The following ANKRD30BL variants were observed in gnomAD, a reference collection of about 807,000 sequenced individuals.
ANKRD30BL encodes ankyrin repeat domain 30B like.
In ANKRD30BL, 20 loss-of-function variants were observed where a neutral mutation model predicts 18.4. That is an observed-to-expected ratio of 1.09 (90% CI 0.77 to 1.58). The LOEUF is 1.58. Among genes scored for constraint, ANKRD30BL ranks in the 40% most tolerant of loss-of-function variants. The pLI is 0.00. For synonymous variants in ANKRD30BL, 72 were observed against 100.9 expected, an observed-to-expected ratio of 0.71 and a Z score of 1.72; for missense variants, 224 against 268.6, an observed-to-expected ratio of 0.83 and a Z score of 1.16.
intron 1 of ANKRD30BL, among the ~76,000 whole-genome samples, chr2:132,206,479 G>A (rs1158776844): frequency 6.6e-6 from 1 of 152,102 alleles, no homozygotes; most frequent in Non-Finnish European, 1.5e-5. Flanking sequence ...AGTGACTGTA[G>A]ACAAATTACT....
chr2:132,221,546 G>T, intron 1 of ANKRD30BL, among the ~76,000 whole-genome samples: 1 of 135,186 alleles, frequency 7.4e-6, no homozygotes, highest in Non-Finnish European at 1.6e-5. Context: ...GAGGGAGGTG[G>T]GGGGGTCAGC....
chr2:132,237,172 G>A (rs957821301), intron 1 of ANKRD30BL, among the ~76,000 whole-genome samples: 2 of 152,008 alleles, frequency 1.3e-5, no homozygotes, highest in African/African-American at 4.8e-5. Context: ...TATACCTAAT[G>A]CTAGAAGACG....
chr2:132,222,436 C>T lies in ANKRD30BL; in HGVS notation n.441+35093G>A, dbSNP rs960920762. Among the ~76,000 whole-genome samples, 12 of 152,078 alleles carry T rather than the reference C, an allele frequency of 7.9e-5. 1 individual carries two copies. In the South Asian group the frequency reaches 1.0e-3, roughly 13 times the overall value. On this transcript the variant is annotated intron_variant and non_coding_transcript_variant, in intron 1 of 4. Coordinates refer to the ANKRD30BL transcript ENST00000470729. ...AAAAATTGAGAAATCGGATGGTTGC[C>T]GGGTCTGTGTGGATAGAAGTAGACA...
At chr2:132,221,147 G>A (rs1261753756) in intron 1 of ANKRD30BL, among the ~76,000 whole-genome samples, 2 of 146,796 alleles carry the variant, frequency 1.4e-5, no homozygotes, top group Non-Finnish European at 2.9e-5. Flanking sequence ...TCTGGGAAGT[G>A]AGGAGCATCT....
chr2:132,210,524 T>A (rs1679318608), intron 1 of ANKRD30BL, among the ~76,000 whole-genome samples: 1 of 152,020 alleles, frequency 6.6e-6, no homozygotes, highest in Non-Finnish European at 1.5e-5. Flanking sequence ...AGGTCTATGG[T>A]GGAGAAAGAA....
At chr2:132,161,959 A>G (rs1295915976), upstream of ANKRD30BL, 5 of 393,054 alleles carry the variant, frequency 1.3e-5, no homozygotes, top group Admixed American at 5.1e-5. Context: ...GTTAGGCAAC[A>G]GCGCATGCGC....
intron 1 of ANKRD30BL, among the ~76,000 whole-genome samples, chr2:132,256,146 T>C (rs1169355067): frequency 1.3e-5 from 2 of 152,246 alleles, no homozygotes; most frequent in Non-Finnish European, 2.9e-5. Context: ...TAGACATGTA[T>C]GGCTTAATCT....
chr2:132,218,156 T>A (rs796165192), intron 1 of ANKRD30BL, among the ~76,000 whole-genome samples: 1 of 152,100 alleles, frequency 6.6e-6, no homozygotes, highest in East Asian at 1.9e-4. Flanking sequence ...TCAGAAACTT[T>A]TTTGTGATGT....
upstream of ANKRD30BL, among the ~76,000 whole-genome samples, chr2:132,165,579 C>T (rs990649026): frequency 2.1e-5 from 3 of 144,298 alleles, no homozygotes; most frequent in East Asian, 6.1e-4. Context: ...AAAAATTAGC[C>T]GGACATGGTG....
chr2:132,207,162 A>G (rs1428793275), intron 1 of ANKRD30BL, among the ~76,000 whole-genome samples: 3 of 152,058 alleles, frequency 2.0e-5, no homozygotes, highest in Non-Finnish European at 2.9e-5. Flanking sequence ...TTGAAGACAC[A>G]ATCTAACCCA....
At chr2:132,177,824 C>A (rs1363017281) in intron 1 of ANKRD30BL, among the ~76,000 whole-genome samples, 2 of 152,022 alleles carry the variant, frequency 1.3e-5, no homozygotes, top group Admixed American at 6.6e-5. Flanking sequence ...GAAAAAATGA[C>A]AATATTGACA....
chr2:132,183,035 T>G (rs1688500086), intron 1 of ANKRD30BL, among the ~76,000 whole-genome samples: 1 of 152,148 alleles, frequency 6.6e-6, no homozygotes, highest in South Asian at 2.1e-4. Flanking sequence ...CATAAATGAT[T>G]TCTAAGGTAG....
At chr2:132,202,230 A>G (rs575028270) in intron 1 of ANKRD30BL, among the ~76,000 whole-genome samples, 27 of 152,278 alleles carry the variant, frequency 1.8e-4, no homozygotes, top group Admixed American at 1.6e-3. Context: ...AGCATGGCAC[A>G]TGTATACATA....
intron 1 of ANKRD30BL, among the ~76,000 whole-genome samples, chr2:132,198,815 G>A (rs7585608): frequency 0.023 from 3,531 of 151,684 alleles, 127 homozygotes; most frequent in African/African-American, 0.081. Context: ...ACGACGTTTC[G>A]CCATGTTGGC....
In ANKRD30BL at chr2:132,217,759, T is replaced by C. The variant is rs538920316; in HGVS notation, n.441+39770A>G. On this transcript the variant is annotated intron_variant and non_coding_transcript_variant, in intron 1 of 4. Transcript: ENST00000470729. ...TATTTCAACCAGTTTGAGGTCTTCA[T>C]TGGAAACGGGTATATCTTCACATAA... Among the ~76,000 whole-genome samples the C allele has an allele frequency of 3.8e-4, 58 of 152,298 alleles. No homozygotes were observed. The South Asian group carries it at 4.4e-3, about 11-fold the overall frequency.
chr2:132,167,725 G>A (rs1688213413), intron 1 of ANKRD30BL, among the ~76,000 whole-genome samples: 1 of 152,012 alleles, frequency 6.6e-6, no homozygotes, highest in Non-Finnish European at 1.5e-5. Flanking sequence ...ATTTGCGGTG[G>A]TTTTCTTAGG....
intron 1 of ANKRD30BL, among the ~76,000 whole-genome samples, chr2:132,170,086 T>C (rs1396142543): frequency 6.6e-6 from 1 of 152,208 alleles, no homozygotes; most frequent in Non-Finnish European, 1.5e-5. Flanking sequence ...CAATTTTATA[T>C]ACTACAGCTT....
chr2:132,200,565 T>C (rs1679076795), intron 1 of ANKRD30BL, among the ~76,000 whole-genome samples: 1 of 152,022 alleles, frequency 6.6e-6, no homozygotes, highest in South Asian at 2.1e-4. Context: ...GAGAATAAAA[T>C]ACCTAGGAAT....
Position 132,161,402 on chromosome 2 carries a change from A to C in ANKRD30BL, c.218+86T>G, listed in dbSNP as rs1191512092. On this transcript the variant is annotated intron_variant, in intron 1 of 5. Transcript: ENST00000409867. Reference sequence around the variant, plus strand: ...TCCTCCACCTGCTCCCCTCGTCCCCAGGACCCCCAGGCCCCACTCTGAAGG... The same window carrying C: ...TCCTCCACCTGCTCCCCTCGTCCCCCGGACCCCCAGGCCCCACTCTGAAGG... 9 of 1,283,902 alleles carry C rather than the reference A, an allele frequency of 7.0e-6. No individual in the cohort carries two copies. The African/African-American group carries it at 1.3e-4, about 19-fold the overall frequency. 79.5% of individuals were successfully genotyped at this position (1,283,902 alleles called of 1,614,324 possible). A position where few individuals can be genotyped will look rare whatever the true frequency, so the allele number is the denominator to read the frequency against.
Sources: allele counts gnomAD v4.1 joint callset (sites outside exome capture counted in the v4.1 genomes callset), GRCh38; gene constraint gnomAD v4.1.1; transcripts MANE v1.5; gene names NCBI Gene and HGNC (gene_info 2026-07-23, HGNC 2026-07-21).